PRKN: variants seen among roughly 807,000 people sequenced by gnomAD.
The protein encoded by PRKN is parkin RBR E3 ubiquitin protein ligase.
Under a neutral mutation model 59.5 loss-of-function variants are expected in PRKN, and 56 were observed. The ratio of observed to expected loss-of-function variants is 0.94; its 90% CI spans 0.76 to 1.18. The LOEUF (loss-of-function observed/expected upper bound fraction) is 1.18. Ranked by LOEUF, PRKN falls within the 50% of genes most tolerant of loss-of-function variation. PRKN has a pLI of 0.00. For missense variants in PRKN, 657 were observed against 596.4 expected (o/e 1.10, Z -1.06); for synonymous variants, 250 against 222.1 (o/e 1.13, Z -1.12).
intron 9 of PRKN, among the ~76,000 whole-genome samples, chr6:161,520,894 C>T (rs903097471): frequency 6.6e-6 from 1 of 152,206 alleles, no homozygotes; most frequent in Non-Finnish European, 1.5e-5. Flanking sequence ...TACCTAGTAT[C>T]TGACATAGGG....
At chr6:161,718,790 G>A (rs191842897) in intron 7 of PRKN, among the ~76,000 whole-genome samples, 23 of 152,152 alleles carry the variant, frequency 1.5e-4, no homozygotes, top group African/African-American at 3.9e-4. Flanking sequence ...TCTTCCTCCC[G>A]TTCAGTGACT....
intron 1 of PRKN, among the ~76,000 whole-genome samples, chr6:162,720,478 C>T (rs556365534): frequency 4.9e-3 from 689 of 140,350 alleles, no homozygotes; most frequent in Non-Finnish European, 8.0e-3. Flanking sequence ...GAGTCTCGCT[C>T]TGTCGCCCAG....
chr6:162,538,170 G>A lies in PRKN; in HGVS notation c.8-94697C>T, dbSNP rs142923805. On this transcript the variant is annotated intron_variant, in intron 1 of 11. Transcript: ENST00000366898. ...TCCCAGCACTTTGAGAGGCCAAGGC[G>A]GGTGGATCACTTGAGGTCAGGAGTT... Among the ~76,000 whole-genome samples, 710 of 152,278 alleles carry A rather than the reference G, an allele frequency of 4.7e-3. 6 individuals are homozygous for A. Among genetic ancestry groups the A allele is most frequent in the African/African-American group, 0.016 (651 of 41,562 alleles).
At chr6:162,659,030 T>A (rs75746362) in intron 1 of PRKN, among the ~76,000 whole-genome samples, 4 of 152,214 alleles carry the variant, frequency 2.6e-5, no homozygotes, top group Non-Finnish European at 5.9e-5. Flanking sequence ...TCAATTTTCA[T>A]AGGTAATAGT....
At chr6:162,427,195 T>G (rs1789276749) in intron 2 of PRKN, among the ~76,000 whole-genome samples, 1 of 152,204 alleles carries the variant, frequency 6.6e-6, no homozygotes, top group African/African-American at 2.4e-5. Flanking sequence ...TCTGAAAATA[T>G]TAAACGTTGG....
chr6:162,551,817 CAA>C (rs1320161141), intron 1 of PRKN, among the ~76,000 whole-genome samples: 32 of 152,332 alleles, frequency 2.1e-4, no homozygotes, highest in African/African-American at 7.5e-4. Context: ...ATTGACAGAT[CAA>C]GTTATTCATT....
chr6:161,355,211 T>A lies in PRKN; in HGVS notation c.1285+4877A>T, dbSNP rs370393480. ...ATGCAGTCCTGGGGCCTAGGACGCC[T>A]CCTCCTGCTCTTCCTTGCCTTGCTC... is the stretch of plus-strand genomic sequence containing the variant. On this transcript the variant is annotated intron_variant, in intron 11 of 11. Coordinates refer to ENST00000366898, the MANE Select transcript of PRKN (RefSeq NM_004562.3). The surrounding 1 kb of genome is among the most constrained non-coding windows in gnomAD (Gnocchi z 6.8). 2.6e-4 allele frequency among the ~76,000 whole-genome samples: 39 copies of A among 152,336 alleles called. No homozygotes were observed. Among genetic ancestry groups the A allele is most frequent in the Non-Finnish European group, 1.6e-4 (11 of 68,036 alleles).
At chr6:161,606,207 T>C (rs1782276381) in intron 7 of PRKN, among the ~76,000 whole-genome samples, 1 of 152,170 alleles carries the variant, frequency 6.6e-6, no homozygotes. Flanking sequence ...CAGGCTGATA[T>C]TGGAAGGCCA....
chr6:161,609,905 G>A (rs1056634123), intron 7 of PRKN, among the ~76,000 whole-genome samples: 7 of 152,136 alleles, frequency 4.6e-5, no homozygotes, highest in African/African-American at 1.7e-4. Context: ...TAGCTTCAAA[G>A]GAGTCGAATT....
chr6:162,247,923 G>A (rs1027188306), intron 3 of PRKN, among the ~76,000 whole-genome samples: 1 of 152,104 alleles, frequency 6.6e-6, no homozygotes, highest in African/African-American at 2.4e-5. Flanking sequence ...AAACGACCAA[G>A]TCTACTCTGA....
intron 2 of PRKN, among the ~76,000 whole-genome samples, chr6:162,392,374 C>A (rs1787245607): frequency 1.3e-5 from 2 of 152,032 alleles, no homozygotes. Flanking sequence ...CCCAGGTAAG[C>A]CTCCATCTCC....
At chr6:162,416,586 G>C (rs988150693) in intron 2 of PRKN, among the ~76,000 whole-genome samples, 11 of 152,158 alleles carry the variant, frequency 7.2e-5, no homozygotes, top group Non-Finnish European at 2.9e-5. Flanking sequence ...TCTGTGTGTA[G>C]TTTGTGGGCA....
intron 5 of PRKN, among the ~76,000 whole-genome samples, chr6:162,013,206 T>C (rs1459535053): frequency 6.6e-6 from 1 of 152,154 alleles, no homozygotes; most frequent in African/African-American, 2.4e-5. Context: ...TACAGACCCA[T>C]GGATTCCTAT....
intron 1 of PRKN, among the ~76,000 whole-genome samples, chr6:162,517,203 G>A (rs1314622744): frequency 8.0e-6 from 1 of 124,570 alleles, no homozygotes; most frequent in Non-Finnish European, 1.6e-5. Flanking sequence ...AGTTAAATCA[G>A]AATCTCTCGG....
intron 1 of PRKN, among the ~76,000 whole-genome samples, chr6:162,566,742 C>T (rs1236511435): frequency 1.3e-5 from 2 of 152,088 alleles, no homozygotes; most frequent in Non-Finnish European, 2.9e-5. Context: ...TCAAACTATT[C>T]CAAAAGACAG....
chr6:161,854,414 C>A (rs1004586170), intron 6 of PRKN, among the ~76,000 whole-genome samples: 4 of 152,094 alleles, frequency 2.6e-5, no homozygotes, highest in African/African-American at 9.7e-5. Flanking sequence ...GCAGGAGGGA[C>A]AACCGCCAAA....
chr6:161,994,193 T>TCACTGCTCTTGGCTCCTTTTTCA, intron 5 of PRKN, among the ~76,000 whole-genome samples: 1 of 150,022 alleles, frequency 6.7e-6, no homozygotes, highest in African/African-American at 2.5e-5. Flanking sequence ...TCAATAAATG[T>TCACTGCTCTTGGCTCCTTTTTCA]GATACATCAC....
chr6:162,240,993 T>C (rs139338959), intron 3 of PRKN, among the ~76,000 whole-genome samples: 1 of 152,364 alleles, frequency 6.6e-6, no homozygotes, highest in African/African-American at 2.4e-5. Context: ...CTAGGCACTT[T>C]AGCCATTTTA....
At chr6:161,787,683 A>G (rs1236802982) in intron 6 of PRKN, among the ~76,000 whole-genome samples, 2 of 152,158 alleles carry the variant, frequency 1.3e-5, no homozygotes, top group South Asian at 4.2e-4. Flanking sequence ...GTGGTGGCTC[A>G]CGCCTGTAAT....
Sources: allele counts gnomAD v4.1 joint callset (sites outside exome capture counted in the v4.1 genomes callset), GRCh38; gene constraint gnomAD v4.1.1; non-coding constraint Gnocchi (gnomAD v3.1); transcripts MANE v1.5; gene names NCBI Gene and HGNC (gene_info 2026-07-23, HGNC 2026-07-21).